Variants in TENM4 observed in about 807,000 individuals in gnomAD.
TENM4 encodes teneurin-4.
Under a neutral mutation model 243.3 loss-of-function variants are expected in TENM4, and 82 were observed. The observed-to-expected ratio is 0.34, with a 90% confidence interval of 0.28 to 0.40. The LOEUF is 0.40. TENM4 is among the 10% of genes least tolerant of loss of function. TENM4 has a pLI of 1.00. For missense variants in TENM4, 3,138 were observed against 3,673.3 expected (o/e 0.85, Z 3.77); for synonymous variants, 1,412 against 1,456.3 (o/e 0.97, Z 0.69).
At chr11:79,238,157 T>C (rs1864514799) in intron 2 of TENM4, among the ~76,000 whole-genome samples, 1 of 152,196 alleles carries the variant, frequency 6.6e-6, no homozygotes, top group Non-Finnish European at 1.5e-5. Context: ...GCTGTCTGAA[T>C]TGTATTTCTC....
At chr11:79,176,040 C>T (rs1008859868) in intron 3 of TENM4, among the ~76,000 whole-genome samples, 8 of 151,968 alleles carry the variant, frequency 5.3e-5, no homozygotes, top group Non-Finnish European at 1.0e-4. Flanking sequence ...TGCGGTGAGC[C>T]GTGATCACAC....
chr11:79,417,594 A>T (rs1053669836), intron 1 of TENM4, among the ~76,000 whole-genome samples: 1 of 151,974 alleles, frequency 6.6e-6, no homozygotes, highest in Admixed American at 6.5e-5. Context: ...CCCATGTCCA[A>T]AGAATTACAT....
At chr11:79,314,379 G>A (rs1856770970) in intron 1 of TENM4, among the ~76,000 whole-genome samples, 2 of 152,310 alleles carry the variant, frequency 1.3e-5, no homozygotes, top group Non-Finnish European at 2.9e-5. Flanking sequence ...TGCAACTCTA[G>A]AAAAATGGAT....
At chr11:79,434,436 A>G (rs887453705) in intron 1 of TENM4, among the ~76,000 whole-genome samples, 4 of 152,118 alleles carry the variant, frequency 2.6e-5, no homozygotes, top group Admixed American at 6.5e-5. Context: ...CAAATGCTGA[A>G]GACACACACT....
At chr11:79,131,229 G>A (rs772516923) in intron 4 of TENM4, among the ~76,000 whole-genome samples, 4 of 152,068 alleles carry the variant, frequency 2.6e-5, no homozygotes, top group Non-Finnish European at 5.9e-5. Context: ...CATTGTCATC[G>A]GGTTATCCAA....
chr11:78,956,832 C>G lies in TENM4; in HGVS notation c.494-53309G>C, dbSNP rs114469073. On this transcript the variant is annotated intron_variant, in intron 6 of 33. Transcript: ENST00000278550. ...CATGAGTATAAGTATTCATGTTTCA[C>G]GGCAGAAATAGTGATGTGTTTGATT... 3.0e-3 allele frequency among the ~76,000 whole-genome samples: 452 copies of G among 152,246 alleles called. 2 individuals are homozygous for G. The highest frequency in any genetic ancestry group is 0.01 in the African/African-American group (419 of 41,542).
chr11:78,771,595 C>G (rs1440869376), intron 17 of TENM4, among the ~76,000 whole-genome samples: 1 of 152,214 alleles, frequency 6.6e-6, no homozygotes, highest in East Asian at 1.9e-4. Flanking sequence ...TTCATCACTT[C>G]TGGGTATCAT....
At chr11:79,242,260 A>T (rs1008624474) in intron 2 of TENM4, among the ~76,000 whole-genome samples, 1 of 152,252 alleles carries the variant, frequency 6.6e-6, no homozygotes, top group African/African-American at 2.4e-5. Context: ...CAGGAGGGAA[A>T]AACAGCTGTC....
At chr11:78,660,043 G>A (rs979203158) in intron 33 of TENM4, among the ~76,000 whole-genome samples, 3 of 152,222 alleles carry the variant, frequency 2.0e-5, no homozygotes, top group African/African-American at 4.8e-5. Flanking sequence ...ATTGACAGGC[G>A]AGGTTGGCAG....
intron 6 of TENM4, among the ~76,000 whole-genome samples, chr11:79,058,201 C>A (rs377258174): frequency 2.6e-5 from 4 of 152,278 alleles, no homozygotes; most frequent in African/African-American, 9.6e-5. Flanking sequence ...GTTGAGCTAA[C>A]ATGAACGTGT....
intron 1 of TENM4, among the ~76,000 whole-genome samples, chr11:79,357,344 C>G (rs1364096027): frequency 6.6e-6 from 1 of 152,228 alleles, no homozygotes; most frequent in East Asian, 1.9e-4. Flanking sequence ...CCTGAGGCCA[C>G]TTTCATAGCC....
rs923278036 is a variant in TENM4 at position 79,292,519 on chromosome 11, C to T, written c.-265+4969G>A. 2.6e-5 allele frequency among the ~76,000 whole-genome samples: 4 copies of T among 152,350 alleles called. No homozygotes were observed. In the South Asian group the frequency reaches 8.3e-4, roughly 32 times the overall value. ...CATAACTACAGCTTCCTAGCCTTCA[C>T]CAGCTTTGTCTCTTCTAAATGGAAA... On this transcript the variant is annotated intron_variant, in intron 2 of 33. Transcript: ENST00000278550.
At chr11:78,994,761 G>C (rs1013631190) in intron 6 of TENM4, among the ~76,000 whole-genome samples, 4 of 152,190 alleles carry the variant, frequency 2.6e-5, no homozygotes, top group South Asian at 4.1e-4. Flanking sequence ...CTCTCAGAAA[G>C]AGTATCAATC....
chr11:79,376,067 T>G lies in TENM4; in HGVS notation c.-321+64442A>C, dbSNP rs552001992. Among the ~76,000 whole-genome samples, 9 of 152,304 alleles carry G rather than the reference T, an allele frequency of 5.9e-5. No individual in the cohort carries two copies. In the East Asian group the frequency reaches 1.7e-3, roughly 29 times the overall value. Reference sequence around the variant, plus strand: ...TGGATTCCTTAGACCTGACAAGCCTTTAATTAGCAGACAGTTTGCATTCAG... The same window carrying G: ...TGGATTCCTTAGACCTGACAAGCCTGTAATTAGCAGACAGTTTGCATTCAG... On this transcript the variant is annotated intron_variant, in intron 1 of 33. Transcript: ENST00000278550.
chr11:79,164,785 T>TCAGGG (rs1280755218), intron 3 of TENM4, among the ~76,000 whole-genome samples: 3 of 151,772 alleles, frequency 2.0e-5, no homozygotes, highest in African/African-American at 7.3e-5. Context: ...TTTCTGTTTT[T>TCAGGG]GCTTCATCAT....
chr11:78,805,277 T>TACCCCC lies in TENM4; in HGVS notation c.2179+14_2179+15insGGGGGT. ...CCCCTCCCTCTACCCATGCTTCTTC[T>TACCCCC]CCCCCTGCATTTACCGATAGAACAG... On this transcript the variant is annotated intron_variant, in intron 15 of 33. Transcript: ENST00000278550. 3 of 1,402,544 alleles carry TACCCCC rather than the reference T, an allele frequency of 2.1e-6. No homozygotes were observed. The highest frequency in any genetic ancestry group is 2.9e-6 in the Non-Finnish European group (3 of 1,033,112). 86.9% of individuals were successfully genotyped at this position (1,402,544 alleles called of 1,614,324 possible). A position where few individuals can be genotyped will look rare whatever the true frequency, so the allele number is the denominator to read the frequency against.
intron 3 of TENM4, among the ~76,000 whole-genome samples, chr11:79,189,578 G>A (rs1211274149): frequency 6.6e-6 from 1 of 152,190 alleles, no homozygotes; most frequent in Non-Finnish European, 1.5e-5. Context: ...CTCTTCCCAT[G>A]TCATTTAGCA....
At chr11:78,920,413 A>G (rs560832) in intron 6 of TENM4, among the ~76,000 whole-genome samples, 142,894 of 152,298 alleles carry the variant, frequency 0.94, 67,422 homozygotes, top group Non-Finnish European at 0.99. Context: ...ATTAACGTCC[A>G]TTTCCAGGTG....
rs1859110829 is a variant in TENM4 at position 78,701,794 on chromosome 11, G to C, written c.4819C>G (p.Leu1607Val). 10 of 1,613,996 alleles carry C rather than the reference G, an allele frequency of 6.2e-6. No individual in the cohort carries two copies. Among genetic ancestry groups the C allele is most frequent in the Non-Finnish European group, 8.5e-6 (10 of 1,179,892 alleles). ...TCCCCAGTGTAGGTGAAGTTGTACA[G>C]GTAGTCTCCTGTGGGCAGGCTTTGG... ...YTQSLPTGDYLYNFTYTGDGD... is the reference protein window; with the variant it reads ...YTQSLPTGDYVYNFTYTGDGD... Residue 1607 changes from leucine to valine, a missense_variant, in exon 28 of 34, where the codon CTG becomes GTG. Physicochemically the swap from Leu to Val is conservative, Grantham distance 32 (BLOSUM62 1). Around this residue, in one of 2 missense-constraint regions of TENM4, gnomAD observed 2,467 missense variants for 3,059.1 expected, o/e 0.81. Transcript: ENST00000278550.
Sources: allele counts gnomAD v4.1 joint callset (sites outside exome capture counted in the v4.1 genomes callset), GRCh38; gene constraint gnomAD v4.1.1; regional missense constraint gnomAD v4.1.1; transcripts MANE v1.5; gene names NCBI Gene and HGNC (gene_info 2026-07-23, HGNC 2026-07-21).